TMED5: variants seen among roughly 807,000 people sequenced by gnomAD.
TMED5 encodes the protein transmembrane p24 trafficking protein 5.
A neutral mutation model predicts 23.0 loss-of-function variants in TMED5; 27 were observed. The observed-to-expected ratio is 1.17, with a 90% confidence interval of 0.86 to 1.62. TMED5 has a LOEUF of 1.62. TMED5 is among the 40% of genes most tolerant of loss of function. The probability of loss-of-function intolerance (pLI) is 0.00; values close to 1 mark genes in which losing one functional copy is unlikely to be tolerated. For missense variants in TMED5, 248 were observed against 273.7 expected, an observed-to-expected ratio of 0.91 and a Z score of 0.66; for synonymous variants, 97 against 100.8, an observed-to-expected ratio of 0.96 and a Z score of 0.23.
chr1:93,154,964 G>A, intron 3 of TMED5, 76 bp from the exon 4 acceptor site: 1 of 1,068,248 alleles, frequency 9.4e-7, no homozygotes, highest in Non-Finnish European at 1.4e-6. Flanking sequence ...GAGGCTGGGT[G>A]CAGTGACTCA....
Position 93,150,039 on chromosome 1 carries a change from CATTTCACATGTATATTTATGT to C in TMED5, c.*4610_*4630del. 3 of 152,300 alleles carry C rather than the reference CATTTCACATGTATATTTATGT, an allele frequency of 2.0e-5. No homozygotes were observed. The highest frequency in any genetic ancestry group is 2.0e-4 in the Admixed American group (3 of 15,290). The allele number at this position is 152,300 out of a possible 1,614,324, so 9.4% of individuals were successfully genotyped here. On this transcript the variant is annotated 3_prime_UTR_variant, in exon 4 of 4. Transcript: ENST00000370282. ...ATGTTTCAGCTATAAATACTTCTAACATTTCACATGTATATTTATGTAATCACCACAATCAAACTACAGAAC... is the reference window on the plus strand; with the variant it reads ...ATGTTTCAGCTATAAATACTTCTAACAATCACCACAATCAAACTACAGAAC...
At chr1:93,173,019 A>G (rs1025219957) in intron 1 of TMED5, among the ~76,000 whole-genome samples, 3 of 152,192 alleles carry the variant, frequency 2.0e-5, no homozygotes, top group African/African-American at 7.2e-5. Context: ...AAAAGTGGAG[A>G]GTAGAACGAT....
chr1:93,169,918 C>CACACACACAAAA (rs948626908), intron 1 of TMED5, among the ~76,000 whole-genome samples: 1 of 151,180 alleles, frequency 6.6e-6, no homozygotes, highest in Admixed American at 6.6e-5. Context: ...CACACACACA[C>CACACACACAAAA]AAAATTAGGC....
intron 1 of TMED5, chr1:93,163,094 AAAAT>A (rs960329202): frequency 3.9e-5 from 6 of 152,140 alleles, no homozygotes; most frequent in African/African-American, 7.2e-5. Flanking sequence ...ATAAAATTTT[AAAAT>A]AAATAAATAA....
intron 1 of TMED5, among the ~76,000 whole-genome samples, chr1:93,171,789 C>T (rs1648741837): frequency 6.6e-6 from 1 of 152,162 alleles, no homozygotes; most frequent in African/African-American, 2.4e-5. Context: ...CTCTTAGGAA[C>T]ACAGATGCAA....
chr1:93,160,256 A>G (rs1648221558), intron 1 of TMED5, 30 bp from the exon 2 acceptor site: 10 of 1,349,404 alleles, frequency 7.4e-6, no homozygotes, highest in Non-Finnish European at 9.5e-6. Flanking sequence ...AGAAAAACAT[A>G]TATTACAAAT....
intron 1 of TMED5, among the ~76,000 whole-genome samples, chr1:93,169,979 G>A (rs1433843415): frequency 6.6e-6 from 1 of 151,930 alleles, no homozygotes; most frequent in African/African-American, 2.4e-5. Flanking sequence ...GAGGTGAGAG[G>A]ATCACTTGAG....
chr1:93,156,077 A>G (rs1648066243), intron 3 of TMED5: 1 of 1,468,188 alleles, frequency 6.8e-7, no homozygotes, highest in Non-Finnish European at 9.1e-7. Flanking sequence ...TATTTTTATA[A>G]TAGGGTCCTG....
chr1:93,152,904 G>A lies in TMED5; in HGVS notation c.*1766C>T, dbSNP rs1045893308. ...TGAAGCATTTTCTTGGCCAATTAAG[G>A]TAATTGATCATATACGGCATTTACC... On this transcript the variant is annotated 3_prime_UTR_variant, in exon 4 of 4. Coordinates refer to ENST00000370282, the MANE Select transcript of TMED5 (RefSeq NM_016040.5). 2.0e-5 allele frequency: 3 copies of A among 152,454 alleles called. No homozygotes were observed. Among genetic ancestry groups the A allele is most frequent in the Admixed American group, 6.6e-5 (1 of 15,258 alleles). The allele number at this position is 152,454 out of a possible 1,614,324, so 9.4% of individuals were successfully genotyped here. A position where few individuals can be genotyped will look rare whatever the true frequency, so the allele number is the denominator to read the frequency against.
At chr1:93,171,027 T>C (rs1443700120) in intron 1 of TMED5, among the ~76,000 whole-genome samples, 2 of 152,170 alleles carry the variant, frequency 1.3e-5, no homozygotes, top group East Asian at 3.9e-4. Flanking sequence ...CCTTGTACAC[T>C]GTGGAAGCTT....
chr1:93,177,316 C>T (rs1571286533), intron 1 of TMED5, among the ~76,000 whole-genome samples: 2 of 152,088 alleles, frequency 1.3e-5, no homozygotes, highest in African/African-American at 4.8e-5. Context: ...CGGTGGCTCA[C>T]ACCTATAATC....
chr1:93,170,965 AAG>A (rs554969086), intron 1 of TMED5, among the ~76,000 whole-genome samples: 85 of 152,256 alleles, frequency 5.6e-4, no homozygotes, highest in African/African-American at 1.9e-3. Context: ...GGGGCCAGAT[AAG>A]AGAATTAAAG....
At chr1:93,155,466 A>G (rs1225839252) in intron 3 of TMED5, among the ~76,000 whole-genome samples, 1 of 152,018 alleles carries the variant, frequency 6.6e-6, no homozygotes, top group East Asian at 1.9e-4. Context: ...TGAGTGGCAT[A>G]GCATCAGGAG....
chr1:93,176,505 C>CTA (rs1222916966), intron 1 of TMED5, among the ~76,000 whole-genome samples: 2 of 91,862 alleles, frequency 2.2e-5, no homozygotes, highest in Non-Finnish European at 4.8e-5. Context: ...AGGGCACAGA[C>CTA]TATACACACA....
intron 1 of TMED5, among the ~76,000 whole-genome samples, chr1:93,165,044 G>A (rs1018803321): frequency 1.5e-4 from 23 of 152,226 alleles, no homozygotes; most frequent in Non-Finnish European, 2.9e-5. Context: ...CCAACAGCTT[G>A]TAGGGAACAG....
chr1:93,178,701 GCTCA>G (rs1171037346), intron 1 of TMED5, among the ~76,000 whole-genome samples: 1 of 152,024 alleles, frequency 6.6e-6, no homozygotes, highest in Non-Finnish European at 1.5e-5. Flanking sequence ...CCTCAGTTTT[GCTCA>G]CTATGTGATT....
chr1:93,165,562 T>A (rs1431201942), intron 1 of TMED5, among the ~76,000 whole-genome samples: 1 of 152,222 alleles, frequency 6.6e-6, no homozygotes, highest in Non-Finnish European at 1.5e-5. Context: ...TTTTTTAAAA[T>A]TTTAATTTGT....
chr1:93,180,084 G>A lies in TMED5; in HGVS notation c.159C>T (p.Pro53=), dbSNP rs184590502. 4 of 1,613,502 alleles carry A rather than the reference G, an allele frequency of 2.5e-6. No homozygotes were observed. The Admixed American group carries it at 6.7e-5, about 27-fold the overall frequency. ...ACTCGATCTCCAGCGAGGCCTTCAGGGGCATGGGCTGGTAGAAGCACTCCT... is the reference window on the plus strand; with the variant it reads ...ACTCGATCTCCAGCGAGGCCTTCAGAGGCATGGGCTGGTAGAAGCACTCCT... ...GQKECFYQPM[P]LKASLEIEYQ... is the part of the protein sequence containing the mutation. The change falls in exon 1 of 4, where the codon CCC becomes CCT. Residue 53 remains proline, a synonymous_variant. Transcript: ENST00000370282.
intron 1 of TMED5, among the ~76,000 whole-genome samples, chr1:93,173,931 G>A (rs546469454): frequency 6.6e-6 from 1 of 152,198 alleles, no homozygotes; most frequent in South Asian, 2.1e-4. Flanking sequence ...AATGACAACA[G>A]GCATTCAATA....
Sources: allele counts gnomAD v4.1 joint callset (sites outside exome capture counted in the v4.1 genomes callset), GRCh38; gene constraint gnomAD v4.1.1; transcripts MANE v1.5; gene names NCBI Gene and HGNC (gene_info 2026-07-23, HGNC 2026-07-21).